PDE12: variants seen among roughly 807,000 people sequenced by gnomAD.
PDE12 encodes phosphodiesterase 12, also known as 2',5'-phosphodiesterase 12.
A neutral mutation model predicts 45.4 loss-of-function variants in PDE12; 26 were observed. That is an observed-to-expected ratio of 0.57 (90% CI 0.42 to 0.79). PDE12 has a LOEUF of 0.79. Among genes scored for constraint, PDE12 ranks in the 30% least tolerant of loss-of-function variants. The probability of loss-of-function intolerance (pLI) is 0.00; values close to 1 mark genes in which losing one functional copy is unlikely to be tolerated. For missense variants in PDE12, 668 were observed against 790.0 expected (o/e 0.85, Z 1.85); for synonymous variants, 283 against 323.9 (o/e 0.87, Z 1.36).
chr3:57,631,848 G>A, the PDE12 span, among the ~76,000 whole-genome samples: 4 of 145,592 alleles, frequency 2.7e-5, no homozygotes, highest in Non-Finnish European at 6.0e-5. Flanking sequence ...TCAGCCTCCC[G>A]AGTAGCTGGG....
the PDE12 span, among the ~76,000 whole-genome samples, chr3:57,656,165 C>T: frequency 6.6e-6 from 1 of 152,142 alleles, no homozygotes; most frequent in African/African-American, 2.4e-5. Context: ...ACGAAATGCC[C>T]GCAGCCCTTA....
At chr3:57,628,030 C>A in the PDE12 span, 33 of 713,434 alleles carry the variant, frequency 4.6e-5, no homozygotes, top group Non-Finnish European at 6.6e-5. Flanking sequence ...CCACAGATAT[C>A]CACTTTAAAA....
chr3:57,598,138 C>T, the PDE12 span: 1 of 152,038 alleles, frequency 6.6e-6, no homozygotes, highest in Admixed American at 6.5e-5. Context: ...AGCGGAAAGC[C>T]TCTTCACTTT....
At chr3:57,619,434 AAAG>A in the PDE12 span, 1 of 152,458 alleles carries the variant, frequency 6.6e-6, no homozygotes, top group Non-Finnish European at 1.5e-5. Context: ...TCAACTTGAT[AAAG>A]AATATCTACA....
chr3:57,598,879 G>C, the PDE12 span, among the ~76,000 whole-genome samples: 1 of 152,268 alleles, frequency 6.6e-6, no homozygotes, highest in East Asian at 1.9e-4. Context: ...CTTAGCAGTT[G>C]AATAACTCAA....
the PDE12 span, among the ~76,000 whole-genome samples, chr3:57,618,605 G>GTGTTT: frequency 2.0e-4 from 7 of 34,178 alleles, no homozygotes; most frequent in South Asian, 3.6e-3. Flanking sequence ...GTTTGCTTTT[G>GTGTTT]TGTTTTTTTT....
the PDE12 span, among the ~76,000 whole-genome samples, chr3:57,609,824 A>G: frequency 3.3e-5 from 5 of 152,190 alleles, no homozygotes; most frequent in African/African-American, 1.2e-4. Flanking sequence ...AGCTGGTACC[A>G]TTCCTTCTGA....
the PDE12 span, chr3:57,596,716 G>C: frequency 3.8e-5 from 10 of 261,244 alleles, no homozygotes; most frequent in African/African-American, 6.9e-5. Flanking sequence ...CGGGCAAGAA[G>C]GTATGCAGAT....
At chr3:57,630,330 G>A in the PDE12 span, 1 of 1,160,538 alleles carries the variant, frequency 8.6e-7, no homozygotes, top group Non-Finnish European at 1.2e-6. Context: ...TTTATAAAGA[G>A]TGGATAAAGG....
the PDE12 span, chr3:57,628,141 T>C: frequency 7.1e-6 from 11 of 1,555,174 alleles, no homozygotes; most frequent in Non-Finnish European, 9.6e-6. Flanking sequence ...GAGATCTCCT[T>C]TGTGCGTCTG....
At chr3:57,585,964 A>T in the PDE12 span, among the ~76,000 whole-genome samples, 1 of 152,136 alleles carries the variant, frequency 6.6e-6, no homozygotes, top group African/African-American at 2.4e-5. Flanking sequence ...GTCCGGCCTA[A>T]ATTCTTAAAA....
rs753507333 is a variant in PDE12 at position 57,559,296 on chromosome 3, T to G, written c.1309-14T>G. On this transcript the variant is annotated splice_polypyrimidine_tract_variant and intron_variant, in intron 1 of 2. Transcript: ENST00000311180. ...AATGCCAACTGAACTCTTGGCACTTTCCGTTTATTTTAGGTTTCAGTTCTT... is the reference window on the plus strand; with the variant it reads ...AATGCCAACTGAACTCTTGGCACTTGCCGTTTATTTTAGGTTTCAGTTCTT... The G allele has an allele frequency of 1.9e-6, 3 of 1,586,086 alleles. No individual in the cohort carries two copies. Among genetic ancestry groups the G allele is most frequent in the East Asian group, 4.5e-5 (2 of 44,736 alleles).
the PDE12 span, among the ~76,000 whole-genome samples, chr3:57,617,315 G>T: frequency 9.4e-5 from 14 of 148,358 alleles, no homozygotes; most frequent in Non-Finnish European, 1.5e-4. Context: ...GAGGCTAGAG[G>T]ATTGCTTAAG....
the PDE12 span, among the ~76,000 whole-genome samples, chr3:57,642,139 C>T: frequency 1.3e-5 from 2 of 151,776 alleles, no homozygotes; most frequent in African/African-American, 4.8e-5. Context: ...ATGGTGAAAC[C>T]CCATCTCTAC....
chr3:57,581,606 GC>G, the PDE12 span, among the ~76,000 whole-genome samples: 1 of 152,144 alleles, frequency 6.6e-6, no homozygotes, highest in East Asian at 1.9e-4. Flanking sequence ...ATCGAGACCA[GC>G]CTGGCTAACA....
the PDE12 span, among the ~76,000 whole-genome samples, chr3:57,618,611 T>TTTTTG: frequency 8.4e-6 from 1 of 118,690 alleles, no homozygotes; most frequent in South Asian, 3.1e-4. Flanking sequence ...TTTTGTGTTT[T>TTTTTG]TTTTTTTTTT....
rs914154147 is a variant in PDE12 at position 57,562,550 on chromosome 3, T to C, written c.*2546T>C. The stretch of plus-strand genomic sequence containing the variant: ...TTTAAAGCACCTATGTGATTGCATT[T>C]TTCTATTACATTTGGATTTTTTAGT... On this transcript the variant is annotated 3_prime_UTR_variant, in exon 3 of 3. Coordinates refer to ENST00000311180, the MANE Select transcript of PDE12 (RefSeq NM_177966.7). 1 of 152,340 alleles carries C rather than the reference T, an allele frequency of 6.6e-6. No individual in the cohort carries two copies. The highest frequency in any genetic ancestry group is 1.9e-4 in the East Asian group (1 of 5,194). The allele number at this position is 152,340 out of a possible 1,614,324, so 9.4% of individuals were successfully genotyped here. A position where few individuals can be genotyped will look rare whatever the true frequency, so the allele number is the denominator to read the frequency against.
chr3:57,610,447 C>T, the PDE12 span, among the ~76,000 whole-genome samples: 18 of 152,130 alleles, frequency 1.2e-4, no homozygotes, highest in African/African-American at 4.1e-4. Flanking sequence ...GTCAAATTGT[C>T]CCTGTTTGCA....
the PDE12 span, among the ~76,000 whole-genome samples, chr3:57,582,738 C>A: frequency 8.2e-6 from 1 of 122,326 alleles, no homozygotes; most frequent in Non-Finnish European, 1.8e-5. Context: ...GCAGTGATAT[C>A]ACACTTAAAA....
Sources: gnomAD v4.1 joint callset for allele counts (sites outside exome capture counted in the v4.1 genomes callset) on GRCh38, gnomAD v4.1.1 for gene constraint, MANE v1.5 for transcripts, NCBI Gene and HGNC (gene_info 2026-07-23, HGNC 2026-07-21) for gene names.